P3H2: variants seen among roughly 807,000 people sequenced by gnomAD.
P3H2 encodes leprecan-like 1.
P3H2 carries 80 observed loss-of-function variants against 87.0 expected under a neutral mutation model. The ratio of observed to expected loss-of-function variants is 0.92; its 90% CI spans 0.77 to 1.11. The LOEUF is 1.11. Among genes scored for constraint, P3H2 ranks in the 50% least tolerant of loss-of-function variants. P3H2 has a pLI of 0.00. For synonymous variants in P3H2, 367 were observed against 359.3 expected (o/e 1.02, Z -0.24); for missense variants, 1,001 against 923.9 (o/e 1.08, Z -1.08).
In P3H2 at chr3:189,984,962, T is replaced by G. The variant is rs114986756; in HGVS notation, c.1189-372A>C. On this transcript the variant is annotated intron_variant, in intron 6 of 14. Transcript: ENST00000319332. Reference sequence around the variant, plus strand: ...AAAACAAGCAAACAAAATTGAGCTTTAGTAATCATCTGTATAGATCATGAA... The same window carrying G: ...AAAACAAGCAAACAAAATTGAGCTTGAGTAATCATCTGTATAGATCATGAA... Among the ~76,000 whole-genome samples, 1,213 of 152,248 alleles carry G rather than the reference T, an allele frequency of 8.0e-3. 14 individuals carry two copies. The highest frequency in any genetic ancestry group is 0.028 in the African/African-American group (1,177 of 41,572).
At chr3:190,119,462 T>TA (rs1383879006) in intron 1 of P3H2, among the ~76,000 whole-genome samples, 2 of 152,178 alleles carry the variant, frequency 1.3e-5, no homozygotes, top group African/African-American at 4.8e-5. Context: ...TCTTCAAAGT[T>TA]ATGGATGTGA....
intron 1 of P3H2, among the ~76,000 whole-genome samples, chr3:190,075,716 G>A (rs1424976965): frequency 1.3e-5 from 2 of 151,682 alleles, no homozygotes; most frequent in Non-Finnish European, 2.9e-5. Flanking sequence ...AGAGAGAAGT[G>A]GAAGAGACAT....
At chr3:190,100,950 A>G (rs900418681) in intron 1 of P3H2, among the ~76,000 whole-genome samples, 2 of 152,092 alleles carry the variant, frequency 1.3e-5, no homozygotes, top group African/African-American at 4.8e-5. Context: ...TCAACGTTAC[A>G]TTTTGGTAAT....
rs200007107 is a variant in P3H2, at chr3:190,079,341, AAAATAAATAAAT to A, written c.480+40899_480+40910del. On this transcript the variant is annotated intron_variant, in intron 1 of 14. Transcript: ENST00000319332. ...GTGACAAAGCAAGACTCTGTCTCAA[AAAATAAATAAAT>A]AAATAAATAAATAAATAAATAAATA... 2.1e-3 allele frequency among the ~76,000 whole-genome samples: 293 copies of A among 142,038 alleles called. 2 individuals carry two copies. The South Asian group carries it at 0.025, about 12-fold the overall frequency. 93.2% of individuals were successfully genotyped at this position (142,038 alleles called of 152,430 possible).
intron 1 of P3H2, among the ~76,000 whole-genome samples, chr3:190,069,483 C>T (rs1424045223): frequency 2.6e-5 from 4 of 152,154 alleles, no homozygotes; most frequent in African/African-American, 4.8e-5. Context: ...CTCCTCTTCA[C>T]CTCCTCTCCA....
At chr3:190,016,671 G>A (rs1170064914) in intron 1 of P3H2, among the ~76,000 whole-genome samples, 1 of 152,178 alleles carries the variant, frequency 6.6e-6, no homozygotes, top group East Asian at 1.9e-4. Context: ...TATGTTTAAT[G>A]TAGTCTCATT....
At chr3:190,107,727 T>A (rs1711901974) in intron 1 of P3H2, among the ~76,000 whole-genome samples, 1 of 152,214 alleles carries the variant, frequency 6.6e-6, no homozygotes, top group Admixed American at 6.5e-5. Flanking sequence ...GGTAATGGAT[T>A]TTATAACTAT....
intron 8 of P3H2, among the ~76,000 whole-genome samples, chr3:189,980,964 C>T (rs1723515198): frequency 6.6e-6 from 1 of 152,170 alleles, no homozygotes; most frequent in Non-Finnish European, 1.5e-5. Flanking sequence ...AAATTAAGCT[C>T]TATAAAAACT....
At chr3:190,083,503 C>T (rs1727118089) in intron 1 of P3H2, among the ~76,000 whole-genome samples, 1 of 152,192 alleles carries the variant, frequency 6.6e-6, no homozygotes, top group African/African-American at 2.4e-5. Context: ...GGATTTTTAA[C>T]TGGCAATCTT....
chr3:189,958,608 T>G (rs13061685), intron 14 of P3H2, among the ~76,000 whole-genome samples: 1 of 151,502 alleles, frequency 6.6e-6, no homozygotes, highest in Non-Finnish European at 1.5e-5. Context: ...CGACACCCCG[T>G]CCTCTCTACC....
intron 1 of P3H2, among the ~76,000 whole-genome samples, chr3:190,108,173 A>G (rs550859123): frequency 6.6e-6 from 1 of 151,834 alleles, no homozygotes; most frequent in African/African-American, 2.4e-5. Flanking sequence ...CTTTTTTGAG[A>G]CATGGTCTTG....
chr3:190,044,866 G>A (rs1427031129), intron 1 of P3H2, among the ~76,000 whole-genome samples: 1 of 152,192 alleles, frequency 6.6e-6, no homozygotes, highest in Non-Finnish European at 1.5e-5. Flanking sequence ...CATGAATAAA[G>A]TGAAGACATG....
At chr3:190,087,997 T>C (rs979202440) in intron 1 of P3H2, among the ~76,000 whole-genome samples, 11 of 152,212 alleles carry the variant, frequency 7.2e-5, no homozygotes, top group African/African-American at 2.7e-4. Context: ...ACACGAGTTC[T>C]GTTGTGCAAG....
rs146403252 is a variant in P3H2, at chr3:190,048,011, T to C, written c.481-52569A>G. ...GTATACAGGTCTTTCTTCTGATTTCTTGCATTTGAGAGAAGTGGCTGTCAC... is the reference window on the plus strand; with the variant it reads ...GTATACAGGTCTTTCTTCTGATTTCCTGCATTTGAGAGAAGTGGCTGTCAC... On this transcript the variant is annotated intron_variant, in intron 1 of 14. Coordinates refer to ENST00000319332, the MANE Select transcript of P3H2 (RefSeq NM_018192.4). Among the ~76,000 whole-genome samples, 420 of 152,346 alleles carry C rather than the reference T, an allele frequency of 2.8e-3. 1 individual carries two copies. Among genetic ancestry groups the C allele is most frequent in the African/African-American group, 9.6e-3 (400 of 41,582 alleles).
intron 1 of P3H2, among the ~76,000 whole-genome samples, chr3:190,008,503 CTG>C (rs1724465554): frequency 6.6e-6 from 1 of 152,058 alleles, no homozygotes; most frequent in South Asian, 2.1e-4. Flanking sequence ...ATCAAATAGA[CTG>C]TGAAATTATA....
At chr3:190,118,868 G>A (rs1712400215) in intron 1 of P3H2, among the ~76,000 whole-genome samples, 2 of 151,016 alleles carry the variant, frequency 1.3e-5, no homozygotes, top group South Asian at 2.1e-4. Context: ...GGAGACGGAC[G>A]GGTCACCTGA....
chr3:189,990,480 A>G (rs1723843664), intron 3 of P3H2, among the ~76,000 whole-genome samples: 1 of 152,184 alleles, frequency 6.6e-6, no homozygotes, highest in Non-Finnish European at 1.5e-5. Flanking sequence ...CCCACCGAGA[A>G]CTCAAAATCT....
intron 2 of P3H2, among the ~76,000 whole-genome samples, chr3:189,994,822 A>G (rs1372166035): frequency 2.0e-5 from 3 of 151,882 alleles, no homozygotes; most frequent in Non-Finnish European, 4.4e-5. Flanking sequence ...GAACTACATC[A>G]CTTTTTAAAA....
chr3:190,093,187 T>C (rs1212737694), intron 1 of P3H2, among the ~76,000 whole-genome samples: 1 of 152,218 alleles, frequency 6.6e-6, no homozygotes. Flanking sequence ...AAACCTTAGT[T>C]GTGATCATGC....
Sources: allele counts gnomAD v4.1 joint callset (sites outside exome capture counted in the v4.1 genomes callset), GRCh38; gene constraint gnomAD v4.1.1; transcripts MANE v1.5; gene names NCBI Gene and HGNC (gene_info 2026-07-23, HGNC 2026-07-21).